The following TANC2 variants were observed in gnomAD, a reference collection of about 807,000 sequenced individuals.
TANC2 encodes the protein tetratricopeptide repeat, ankyrin repeat and coiled-coil containing 2.
In TANC2, 26 loss-of-function variants were observed where a neutral mutation model predicts 210.5. The ratio of observed to expected loss-of-function variants is 0.12; its 90% confidence interval spans 0.09 to 0.17. The LOEUF is 0.17. Among genes scored for constraint, TANC2 ranks in the 10% least tolerant of loss-of-function variants. The pLI is 1.00. For missense variants in TANC2, 2,129 were observed against 2,608.9 expected (o/e 0.82, Z 4.01); for synonymous variants, 931 against 967.1 (o/e 0.96, Z 0.69).
chr17:63,381,787 C>T (rs920966539), intron 15 of TANC2, among the ~76,000 whole-genome samples: 4 of 152,052 alleles, frequency 2.6e-5, no homozygotes, highest in Admixed American at 1.3e-4. Context: ...CTTAAGTATT[C>T]AAAAATCTTG....
exon 28 of TANC2, chr17:63,423,670 C>T (rs891695874): frequency 1.3e-5 from 2 of 152,178 alleles, no homozygotes; most frequent in African/African-American, 4.8e-5. Context: ...GAGCATGAAC[C>T]TGAGATCAGA....
intron 4 of TANC2, among the ~76,000 whole-genome samples, chr17:63,123,283 C>T (rs570864133): frequency 5.5e-4 from 83 of 152,152 alleles, no homozygotes; most frequent in Admixed American, 7.9e-4. Context: ...GTGGGCCAGG[C>T]GCGGTGGCTC....
intron 14 of TANC2, among the ~76,000 whole-genome samples, chr17:63,372,276 T>C (rs934324351): frequency 1.3e-5 from 2 of 152,208 alleles, no homozygotes; most frequent in African/African-American, 4.8e-5. Flanking sequence ...CAATTCCAAG[T>C]TGCATTTGCT....
At chr17:62,974,386 A>AT (rs1266617928) in intron 1 of TANC2, among the ~76,000 whole-genome samples, 1 of 152,048 alleles carries the variant, frequency 6.6e-6, no homozygotes, top group Non-Finnish European at 1.5e-5. Flanking sequence ...TCTCATATAC[A>AT]TTTTTTGCAA....
At chr17:63,028,692 C>A (rs1345703997) in intron 2 of TANC2, among the ~76,000 whole-genome samples, 2 of 152,134 alleles carry the variant, frequency 1.3e-5, no homozygotes, top group African/African-American at 4.8e-5. Context: ...CTTCTTGGAT[C>A]TGCTGGTTTT....
At chr17:63,355,048 G>A in exon 14 of TANC2, 1 of 1,613,924 alleles carries the variant, frequency 6.2e-7, no homozygotes, top group Non-Finnish European at 8.5e-7. Flanking sequence ...GTGTTAAAGA[G>A]CTCTAGCTAC....
intron 11 of TANC2, among the ~76,000 whole-genome samples, chr17:63,330,865 C>T (rs2045816835): frequency 6.6e-6 from 1 of 152,166 alleles, no homozygotes; most frequent in Non-Finnish European, 1.5e-5. Context: ...AACCTGAGGT[C>T]AGGAGTTCGA....
At chr17:63,150,862 A>G (rs763261112) in intron 4 of TANC2, 3 of 152,158 alleles carry the variant, frequency 2.0e-5, no homozygotes, top group Non-Finnish European at 2.9e-5. Context: ...TAACATCTGT[A>G]TTTAATGGCA....
chr17:63,001,887 G>T (rs1335733277), intron 1 of TANC2, among the ~76,000 whole-genome samples: 1 of 151,660 alleles, frequency 6.6e-6, no homozygotes, highest in Admixed American at 6.6e-5. Context: ...TATGGACAAT[G>T]GTATACAAAC....
At chr17:63,067,319 T>C (rs1347804307) in intron 2 of TANC2, among the ~76,000 whole-genome samples, 1 of 152,172 alleles carries the variant, frequency 6.6e-6, no homozygotes, top group Non-Finnish European at 1.5e-5. Flanking sequence ...AAGATTTTAA[T>C]GCAACTATTA....
At chr17:63,397,818 T>G (rs904663211) in intron 18 of TANC2, among the ~76,000 whole-genome samples, 1 of 152,226 alleles carries the variant, frequency 6.6e-6, no homozygotes, top group Non-Finnish European at 1.5e-5. Flanking sequence ...AACCTTTGTT[T>G]TTAATGTTAA....
chr17:63,199,015 G>A (rs1199380791), intron 6 of TANC2, among the ~76,000 whole-genome samples: 1 of 152,062 alleles, frequency 6.6e-6, no homozygotes, highest in Non-Finnish European at 1.5e-5. Flanking sequence ...GTTTTTGGTT[G>A]AGTCAAATTT....
chr17:63,296,603 T>C (rs1441214968), intron 9 of TANC2, among the ~76,000 whole-genome samples: 2 of 152,162 alleles, frequency 1.3e-5, no homozygotes, highest in East Asian at 3.9e-4. Context: ...ATTGGACTTA[T>C]CAAACAAAGA....
At position 63,151,717 on chromosome 17, in the gene TANC2, A is replaced by G. The variant is rs1417722811; in HGVS notation, c.433+337A>G. The G allele has an allele frequency of 2.6e-5, 4 of 152,328 alleles. No homozygotes were observed. In the South Asian group the frequency reaches 6.2e-4, roughly 24 times the overall value. The allele number at this position is 152,328 out of a possible 1,614,324, so 9.4% of individuals were successfully genotyped here. A position where few individuals can be genotyped will look rare whatever the true frequency, so the allele number is the denominator to read the frequency against. On this transcript the variant is annotated intron_variant, in intron 5 of 27. Transcript: ENST00000689528. ...TGGCCATGTGCAAACAGAAATGTTG[A>G]AGATGTGAATAAGAATATTCATTCA...
intron 2 of TANC2, among the ~76,000 whole-genome samples, chr17:63,041,542 A>G (rs2035187033): frequency 6.6e-6 from 1 of 152,198 alleles, no homozygotes; most frequent in Non-Finnish European, 1.5e-5. Context: ...AAAGCACTTC[A>G]GTAATCTTAA....
chr17:63,026,171 C>T (rs1291259164), intron 2 of TANC2, among the ~76,000 whole-genome samples: 2 of 151,952 alleles, frequency 1.3e-5, no homozygotes, highest in Admixed American at 6.6e-5. Flanking sequence ...TTTGTCCTCC[C>T]TTTTAAATTT....
intron 11 of TANC2, among the ~76,000 whole-genome samples, chr17:63,334,544 A>G (rs936137806): frequency 6.6e-6 from 1 of 152,226 alleles, no homozygotes; most frequent in African/African-American, 2.4e-5. Context: ...AAAGAGGGGA[A>G]TAGAAAATCA....
chr17:63,139,340 A>T (rs1201018714), intron 4 of TANC2, among the ~76,000 whole-genome samples: 1 of 152,168 alleles, frequency 6.6e-6, no homozygotes, highest in Admixed American at 6.5e-5. Context: ...ATTGAAATAG[A>T]GTTTGGCCGG....
intron 11 of TANC2, among the ~76,000 whole-genome samples, chr17:63,320,786 GGTACCTAGC>G (rs2045470190): frequency 2.0e-5 from 3 of 151,814 alleles, no homozygotes; most frequent in African/African-American, 4.8e-5. Context: ...TTATTCTGTT[GGTACCTAGC>G]AAGCCCTGGA....
Sources: allele counts gnomAD v4.1 joint callset (sites outside exome capture counted in the v4.1 genomes callset), GRCh38; gene constraint gnomAD v4.1.1; transcripts MANE v1.5; gene names NCBI Gene and HGNC (gene_info 2026-07-23, HGNC 2026-07-21).